DRC8: variants seen among roughly 807,000 people sequenced by gnomAD.
DRC8 encodes dynein regulatory complex subunit 8, also known as dynein regulatory complex protein 8.
At chr1:245,005,866 A>G in the DRC8 span, among the ~76,000 whole-genome samples, 911 of 152,316 alleles carry the variant, frequency 6.0e-3, 9 homozygotes, top group African/African-American at 0.018. Context: ...TGAGTGACGA[A>G]TGGGAGATAG....
the DRC8 span, among the ~76,000 whole-genome samples, chr1:245,003,398 C>T: frequency 7.9e-5 from 12 of 152,164 alleles, no homozygotes; most frequent in Non-Finnish European, 7.3e-5. Context: ...TTATTATCAC[C>T]ATGTGGCAAG....
the DRC8 span, among the ~76,000 whole-genome samples, chr1:244,986,102 T>C: frequency 2.6e-5 from 4 of 151,516 alleles, no homozygotes; most frequent in Admixed American, 1.3e-4. Flanking sequence ...ATTACAGGCG[T>C]GTGCCACCAT....
the DRC8 span, among the ~76,000 whole-genome samples, chr1:245,081,370 C>A: frequency 6.6e-6 from 1 of 152,062 alleles, no homozygotes; most frequent in Non-Finnish European, 1.5e-5. Context: ...ACCGTGTTAG[C>A]CAGGATGGTC....
At chr1:245,097,946 C>T in the DRC8 span, among the ~76,000 whole-genome samples, 1 of 152,078 alleles carries the variant, frequency 6.6e-6, no homozygotes, top group Admixed American at 6.5e-5. This position sits in a 1 kb window ranked among gnomAD's most constrained non-coding sequence, Gnocchi z 5.0. Flanking sequence ...CATGAAGGGC[C>T]TTGTGGGCCA....
the DRC8 span, among the ~76,000 whole-genome samples, chr1:245,105,815 G>T: frequency 6.6e-6 from 1 of 152,028 alleles, no homozygotes. Flanking sequence ...TGTGGCTCAC[G>T]CCCATAATCC....
chr1:245,017,386 C>A, the DRC8 span: 1 of 1,481,510 alleles, frequency 6.7e-7, no homozygotes, highest in Non-Finnish European at 9.1e-7. Flanking sequence ...TCATAAGATA[C>A]AAGAGAGCTA....
chr1:245,029,558 C>G, the DRC8 span, among the ~76,000 whole-genome samples: 1 of 150,480 alleles, frequency 6.6e-6, no homozygotes, highest in Non-Finnish European at 1.5e-5. Context: ...TCAGCCCTCC[C>G]AAAGTGTTGG....
At chr1:244,980,897 C>G in the DRC8 span, among the ~76,000 whole-genome samples, 1 of 152,038 alleles carries the variant, frequency 6.6e-6, no homozygotes, top group Non-Finnish European at 1.5e-5. Flanking sequence ...ATTTTGTTGA[C>G]TGAGGCCGGG....
At chr1:244,970,226 C>T in the DRC8 span, 1 of 761,136 alleles carries the variant, frequency 1.3e-6, no homozygotes, top group Non-Finnish European at 2.3e-6. Flanking sequence ...GCGCGAGGGT[C>T]GTGGCGCGAA....
chr1:245,008,507 T>C, the DRC8 span, among the ~76,000 whole-genome samples: 1 of 152,112 alleles, frequency 6.6e-6, no homozygotes, highest in Non-Finnish European at 1.5e-5. Flanking sequence ...TTCCTGATTT[T>C]AAAAAATCTT....
the DRC8 span, among the ~76,000 whole-genome samples, chr1:244,974,861 A>G: frequency 6.6e-6 from 1 of 152,020 alleles, no homozygotes; most frequent in Non-Finnish European, 1.5e-5. Context: ...ATGCCCGACT[A>G]ATTTTTTTAA....
chr1:244,987,345 C>T, the DRC8 span, among the ~76,000 whole-genome samples: 3 of 151,870 alleles, frequency 2.0e-5, no homozygotes, highest in Admixed American at 6.6e-5. Context: ...AGATTACAGG[C>T]GTGCATCACC....
the DRC8 span, among the ~76,000 whole-genome samples, chr1:245,016,479 C>A: frequency 4.6e-5 from 7 of 152,330 alleles, no homozygotes; most frequent in East Asian, 1.4e-3. Context: ...CCCATTCTCC[C>A]CCACCCACGC....
At chr1:245,002,184 G>A in the DRC8 span, 2 of 1,610,612 alleles carry the variant, frequency 1.2e-6, no homozygotes, top group Middle Eastern at 1.7e-4. Flanking sequence ...TCTAATGGAA[G>A]GTGGAAGAAG....
At chr1:245,040,200 A>T in the DRC8 span, among the ~76,000 whole-genome samples, 1 of 152,218 alleles carries the variant, frequency 6.6e-6, no homozygotes, top group East Asian at 1.9e-4. Context: ...GCCATTGGGC[A>T]ATGTGGAATT....
At chr1:245,093,514 C>T in the DRC8 span, among the ~76,000 whole-genome samples, 6 of 151,820 alleles carry the variant, frequency 4.0e-5, no homozygotes, top group Non-Finnish European at 8.8e-5. Context: ...GCCCAGGCAA[C>T]ATGGTGAAAC....
At chr1:245,098,217 A>C in the DRC8 span, among the ~76,000 whole-genome samples, 1 of 152,150 alleles carries the variant, frequency 6.6e-6, no homozygotes, top group Non-Finnish European at 1.5e-5. Flanking sequence ...GTTAAGGTTG[A>C]GGGGGAAGAT....
the DRC8 span, among the ~76,000 whole-genome samples, chr1:244,993,014 T>C: frequency 6.6e-6 from 1 of 152,198 alleles, no homozygotes; most frequent in African/African-American, 2.4e-5. Context: ...CACATGAGAC[T>C]CTCTATAGGC....
chr1:245,041,973 A>G, the DRC8 span, among the ~76,000 whole-genome samples: 2 of 152,178 alleles, frequency 1.3e-5, no homozygotes, highest in Non-Finnish European at 1.5e-5. Flanking sequence ...CACACAGTCT[A>G]TGGTAATTTG....
Sources: allele counts gnomAD v4.1 joint callset (sites outside exome capture counted in the v4.1 genomes callset), GRCh38; gene constraint gnomAD v4.1.1; non-coding constraint Gnocchi (gnomAD v3.1); transcripts MANE v1.5; gene names NCBI Gene and HGNC (gene_info 2026-07-23, HGNC 2026-07-21).